Variants in ZNF333 observed in about 807,000 individuals in gnomAD.
ZNF333 encodes the protein zinc finger protein 333.
A neutral mutation model predicts 76.1 loss-of-function variants in ZNF333; 61 were observed. The observed-to-expected ratio is 0.80, with a 90% CI of 0.65 to 0.99. The LOEUF (loss-of-function observed/expected upper bound fraction) is 0.99, where lower values mean the gene tolerates loss of function less well. ZNF333 is among the 50% of genes least tolerant of loss of function. The pLI, the probability that ZNF333 is intolerant of heterozygous loss-of-function variation, is 0.00. For synonymous variants in ZNF333, 284 were observed against 305.0 expected (o/e 0.93, Z 0.72); for missense variants, 717 against 822.4 (o/e 0.87, Z 1.57).
intron 10 of ZNF333, 191 bp from the exon 11 acceptor site, chr19:14,717,466 T>C: frequency 1.7e-6 from 1 of 583,852 alleles, no homozygotes; most frequent in Admixed American, 3.1e-5. Context: ...ACATAACTTC[T>C]CATCTAGCCA....
Position 14,720,882 on chromosome 19 carries a change from A to G in ZNF333, c.*1557A>G, listed in dbSNP as rs1480173742. 1 of 912,512 alleles carries G rather than the reference A, an allele frequency of 1.1e-6. No individual in the cohort carries two copies. Among genetic ancestry groups the G allele is most frequent in the Non-Finnish European group, 1.3e-6 (1 of 764,000 alleles). The allele number at this position is 912,512 out of a possible 1,614,324, so 56.5% of individuals were successfully genotyped here. On this transcript the variant is annotated 3_prime_UTR_variant, in exon 12 of 12. Transcript: ENST00000292530. ...ATCTTTGTCATTCTGTCAGTTTTTA[A>G]ATTTATGTATATACATACATATATA...
At position 14,718,258 on chromosome 19, in the gene ZNF333, A is replaced by G; in HGVS notation, c.931A>G (p.Lys311Glu). 1 of 1,612,766 alleles carries G rather than the reference A, an allele frequency of 6.2e-7. No individual in the cohort carries two copies. The highest frequency in any genetic ancestry group is 8.5e-7 in the Non-Finnish European group (1 of 1,179,466). Residue 311 changes from lysine to glutamate, a missense_variant, in exon 12 of 12, where the codon AAA becomes GAA. By Grantham distance (56) the Lys-to-Glu change is moderately conservative. Transcript: ENST00000292530. ...ACCTCAGCCTGGAGAAAAACTCTAT[A>G]AATATAATGAACTTGAGAAACCTTT... ...EQPQPGEKLY[K>E]YNELEKPFNS... is the part of the protein sequence containing the mutation.
intron 7 of ZNF333, among the ~76,000 whole-genome samples, chr19:14,712,412 G>A (rs1444401714): frequency 6.6e-6 from 1 of 152,064 alleles, no homozygotes; most frequent in Admixed American, 6.6e-5. Flanking sequence ...TAGAGACGGG[G>A]TTTCGTCATG....
chr19:14,703,802 G>A (rs959597588), intron 5 of ZNF333, among the ~76,000 whole-genome samples: 2 of 152,170 alleles, frequency 1.3e-5, no homozygotes, highest in African/African-American at 4.8e-5. Flanking sequence ...AGTGAGATAA[G>A]GAGCTGGTAC....
intron 1 of ZNF333, among the ~76,000 whole-genome samples, chr19:14,691,145 TTTTC>T (rs1228080784): frequency 6.6e-6 from 1 of 152,138 alleles, no homozygotes; most frequent in Non-Finnish European, 1.5e-5. Context: ...TTGTTTTTGT[TTTTC>T]TTTATTTTCT....
intron 8 of ZNF333, among the ~76,000 whole-genome samples, chr19:14,715,871 A>T (rs2042414926): frequency 6.6e-6 from 1 of 152,214 alleles, no homozygotes; most frequent in African/African-American, 2.4e-5. Flanking sequence ...TCCTGTCCAG[A>T]GGTCGAGGAC....
intron 9 of ZNF333, 127 bp downstream of exon 9, chr19:14,716,365 C>A: frequency 9.2e-7 from 1 of 1,091,284 alleles, no homozygotes; most frequent in Non-Finnish European, 1.3e-6. Flanking sequence ...CTCAGGTGAT[C>A]CTCCCACCCC....
intron 4 of ZNF333, 30 bp downstream of exon 4, chr19:14,695,691 G>A (rs771073201): frequency 6.3e-6 from 10 of 1,595,438 alleles, no homozygotes; most frequent in East Asian, 4.5e-5. Context: ...TGGATCCCCC[G>A]ACCCCCCTGG....
chr19:14,695,563 C>T lies in ZNF333; in HGVS notation c.128-3C>T, dbSNP rs780185131. On this transcript the variant is annotated splice_region_variant and splice_polypyrimidine_tract_variant and intron_variant, in intron 3 of 11. Transcript: ENST00000292530. ...CAGTGCCTGTGTCTTTCTTCATGTG[C>T]AGGAACTCCACCATGCAAACCCAGT... 3.1e-6 allele frequency: 5 copies of T among 1,614,004 alleles called. 1 individual carries two copies. In the Middle Eastern group the frequency reaches 4.9e-4, roughly 160 times the overall value.
chr19:14,692,644 C>T (rs1972857601), intron 1 of ZNF333, among the ~76,000 whole-genome samples: 1 of 152,116 alleles, frequency 6.6e-6, no homozygotes, highest in Non-Finnish European at 1.5e-5. Flanking sequence ...TCCTGAGTAG[C>T]TGGGATTACA....
chr19:14,702,326 G>T (rs988970074), intron 5 of ZNF333, among the ~76,000 whole-genome samples: 1 of 152,182 alleles, frequency 6.6e-6, no homozygotes, highest in Non-Finnish European at 1.5e-5. Flanking sequence ...ACCAGCCTGG[G>T]CAATATAGCA....
intron 10 of ZNF333, 58 bp downstream of exon 10, chr19:14,717,147 T>G (rs2042457866): frequency 1.4e-6 from 2 of 1,461,978 alleles, no homozygotes; most frequent in Admixed American, 4.0e-5. Context: ...AGTGTCCAGT[T>G]TGGAAACTGT....
At chr19:14,701,254 A>G (rs1329139126) in intron 5 of ZNF333, among the ~76,000 whole-genome samples, 1 of 152,060 alleles carries the variant, frequency 6.6e-6, no homozygotes, top group East Asian at 1.9e-4. Context: ...CTTTTTAAAT[A>G]GATATGGGGT....
At chr19:14,705,279 C>T (rs1412696215) in intron 6 of ZNF333, 109 bp downstream of exon 6, 17 of 933,634 alleles carry the variant, frequency 1.8e-5, no homozygotes, top group Non-Finnish European at 2.6e-5. Flanking sequence ...GTGTTTGGGG[C>T]CTGTAGGAGG....
intron 1 of ZNF333, among the ~76,000 whole-genome samples, chr19:14,690,742 G>A (rs570358549): frequency 6.6e-6 from 1 of 152,160 alleles, no homozygotes; most frequent in African/African-American, 2.4e-5. Context: ...TGTTAGCTTG[G>A]CTTTGCATCT....
intron 4 of ZNF333, 105 bp downstream of exon 4, chr19:14,695,766 C>A: frequency 2.2e-6 from 2 of 924,660 alleles, no homozygotes; most frequent in Non-Finnish European, 3.5e-6. Flanking sequence ...GAGGGGACAT[C>A]GAAGGCCATT....
chr19:14,692,660 G>A (rs911434474), intron 1 of ZNF333, among the ~76,000 whole-genome samples: 3 of 151,650 alleles, frequency 2.0e-5, no homozygotes, highest in African/African-American at 7.3e-5. Flanking sequence ...TTACAGGTGT[G>A]TGCCACCATG....
chr19:14,715,521 G>T, intron 8 of ZNF333, 51 bp downstream of exon 8: 1 of 1,553,242 alleles, frequency 6.4e-7, no homozygotes, highest in South Asian at 1.1e-5. Flanking sequence ...CCAAAGGCTG[G>T]ACTTACCTTC....
intron 1 of ZNF333, among the ~76,000 whole-genome samples, chr19:14,693,089 C>T (rs539797851): frequency 6.6e-6 from 1 of 152,242 alleles, no homozygotes; most frequent in Non-Finnish European, 1.5e-5. Context: ...GGCCTCCAGC[C>T]TGAGCAACAG....
Sources: gnomAD v4.1 joint callset for allele counts (sites outside exome capture counted in the v4.1 genomes callset) on GRCh38, gnomAD v4.1.1 for gene constraint, MANE v1.5 for transcripts, NCBI Gene and HGNC (gene_info 2026-07-23, HGNC 2026-07-21) for gene names.